The following TRIM3 variants were observed in gnomAD, a reference collection of about 807,000 sequenced individuals.
TRIM3 encodes tripartite motif-containing protein 3.
In TRIM3, 13 loss-of-function variants were observed where a neutral mutation model predicts 66.6. The observed-to-expected ratio is 0.20, with a 90% CI of 0.13 to 0.31. The LOEUF (loss-of-function observed/expected upper bound fraction) is 0.31, where lower values mean the gene tolerates loss of function less well. TRIM3 is among the 10% of genes least tolerant of loss of function. The probability of loss-of-function intolerance (pLI) is 1.00; values close to 1 mark genes in which losing one functional copy is unlikely to be tolerated. For synonymous variants in TRIM3, 406 were observed against 411.7 expected (o/e 0.99, Z 0.17); for missense variants, 711 against 1,020.4 (o/e 0.70, Z 4.13).
intron 2 of TRIM3, among the ~76,000 whole-genome samples, chr11:6,460,898 CTTTTTTTTTTTTTT>C (rs771919613): frequency 1.2e-3 from 86 of 74,284 alleles, no homozygotes; most frequent in African/African-American, 4.5e-3. Flanking sequence ...TTTTTGGTGG[CTTTTTTTTTTTTTT>C]TTTTTTTTTT....
chr11:6,450,520 C>T lies in TRIM3; in HGVS notation c.1941+31G>A. The T allele has an allele frequency of 6.3e-7, 1 of 1,591,094 alleles. No homozygotes were observed. Among genetic ancestry groups the T allele is most frequent in the Non-Finnish European group, 8.6e-7 (1 of 1,158,982 alleles). Reference sequence around the variant, plus strand: ...TGTGGAAGAGGAAAGGATGTTGGGACAGTGGTCACGGAGGGAGGGAAGACA... The same window carrying T: ...TGTGGAAGAGGAAAGGATGTTGGGATAGTGGTCACGGAGGGAGGGAAGACA... On this transcript the variant is annotated intron_variant, in intron 10 of 11. Transcript: ENST00000345851. The surrounding 1 kb of genome is among the most constrained non-coding windows in gnomAD (Gnocchi z 4.8).
rs1187279465 is a variant in TRIM3, at chr11:6,458,140, G to A, written c.288C>T (p.Ala96=). 2.0e-5 allele frequency: 33 copies of A among 1,614,024 alleles called. No individual in the cohort carries two copies. The highest frequency in any genetic ancestry group is 2.8e-5 in the Non-Finnish European group (33 of 1,180,034). The change falls in exon 3 of 12, where the codon GCC becomes GCT. Residue 96 remains alanine, a synonymous_variant. Coordinates refer to ENST00000345851, the MANE Select transcript of TRIM3 (RefSeq NM_033278.4). This position sits in a 1 kb window ranked among gnomAD's most constrained non-coding sequence, Gnocchi z 6.2. ...MEAMQQAPDG[A]HDPEDPHPLS... is the part of the protein sequence containing the mutation. ...GGGGGTGGGGGTCCTCCGGGTCGTG[G>A]GCCCCATCAGGTGCCTGCTGCATTG...
intron 2 of TRIM3, among the ~76,000 whole-genome samples, chr11:6,460,898 CTTTTTTTTT>C (rs771919613): frequency 6.7e-5 from 5 of 74,252 alleles, no homozygotes; most frequent in African/African-American, 1.6e-4. Flanking sequence ...TTTTTGGTGG[CTTTTTTTTT>C]TTTTTTTTTT....
chr11:6,463,716 C>T (rs1048784160), intron 2 of TRIM3, among the ~76,000 whole-genome samples: 5 of 151,976 alleles, frequency 3.3e-5, no homozygotes, highest in Non-Finnish European at 7.4e-5. Context: ...GGAACGTTGG[C>T]GTTTATGACT....
In TRIM3 at chr11:6,449,991, T is replaced by C. The variant is rs2634204; in HGVS notation, c.1942-545A>G. 0.017 allele frequency: 2,702 copies of C among 159,350 alleles called. 85 individuals are homozygous for C. The highest frequency in any genetic ancestry group is 0.062 in the African/African-American group (2,567 of 41,618). The allele number at this position is 159,350 out of a possible 1,614,324, so 9.9% of individuals were successfully genotyped here. A position where few individuals can be genotyped will look rare whatever the true frequency, so the allele number is the denominator to read the frequency against. Reference sequence around the variant, plus strand: ...GCAATCCTGTGACTCCCCATAGCTCTTGGGAGGAGAGCAAGCCCCTTAAGG... The same window carrying C: ...GCAATCCTGTGACTCCCCATAGCTCCTGGGAGGAGAGCAAGCCCCTTAAGG... On this transcript the variant is annotated intron_variant, in intron 10 of 11. Transcript: ENST00000345851. The surrounding 1 kb of genome is among the most constrained non-coding windows in gnomAD (Gnocchi z 5.3).
chr11:6,449,156 G>C lies in TRIM3; in HGVS notation c.2107C>G (p.Leu703Val). The change falls in exon 12 of 12, where the codon CTG becomes GTG. Residue 703 changes from leucine to valine, a missense_variant. Around this residue, in one of 3 missense-constraint regions of TRIM3, gnomAD observed 163 missense variants for 321.9 expected, o/e 0.51. Transcript: ENST00000345851. The surrounding 1 kb of genome is among the most constrained non-coding windows in gnomAD (Gnocchi z 5.3). ...IQVFDSSGSFLSYINTSAEPL... is the reference protein window; with the variant it reads ...IQVFDSSGSFVSYINTSAEPL... Reference sequence around the variant, plus strand: ...TCTGCAGATGTGTTGATATAGGACAGGAAGGAGCCAGAGCTGTCGAATACC... The same window carrying C: ...TCTGCAGATGTGTTGATATAGGACACGAAGGAGCCAGAGCTGTCGAATACC... 6.2e-7 allele frequency: 1 copy of C among 1,614,164 alleles called. No individual in the cohort carries two copies. The highest frequency in any genetic ancestry group is 8.5e-7 in the Non-Finnish European group (1 of 1,179,996).
intron 2 of TRIM3, among the ~76,000 whole-genome samples, chr11:6,462,096 T>C (rs1850268865): frequency 6.6e-6 from 1 of 152,230 alleles, no homozygotes; most frequent in African/African-American, 2.4e-5. Context: ...ATCTGTCTCC[T>C]TCTTATCCTC....
chr11:6,456,982 G>A lies in TRIM3; in HGVS notation c.744C>T (p.Ile248=), dbSNP rs139782267. 97 of 1,606,122 alleles carry A rather than the reference G, an allele frequency of 6.0e-5. No individual in the cohort carries two copies. The African/African-American group carries it at 9.6e-4, about 16-fold the overall frequency. Residue 248 remains isoleucine (I), a synonymous_variant, in exon 6 of 12, where the codon ATC becomes ATT. Coordinates refer to ENST00000345851, the MANE Select transcript of TRIM3 (RefSeq NM_033278.4). This position sits in a 1 kb window ranked among gnomAD's most constrained non-coding sequence, Gnocchi z 6.4. Reference sequence around the variant, plus strand: ...GCTCTGCAAAGCTGCAGCTACTGCCGATGTGTTCCTGACCCTGGCGCAGTG... The same window carrying A: ...GCTCTGCAAAGCTGCAGCTACTGCCAATGTGTTCCTGACCCTGGCGCAGTG... ...LDTLRQGQEH[I]GSSCSFAEQA... is the part of the protein sequence containing the mutation.
Position 6,450,151 on chromosome 11 carries a change from ACT to A in TRIM3, c.1941+398_1941+399del. ...TCTTCCTGTGTCTTTTGTCTCAAAC[ACT>A]CTCGTCCTCCTCTGCCTTCCATTTA... On this transcript the variant is annotated intron_variant, in intron 10 of 11. Coordinates refer to ENST00000345851, the MANE Select transcript of TRIM3 (RefSeq NM_033278.4). The surrounding 1 kb of genome is among the most constrained non-coding windows in gnomAD (Gnocchi z 4.8). 1 of 180,158 alleles carries A rather than the reference ACT, an allele frequency of 5.6e-6. No homozygotes were observed. Among genetic ancestry groups the A allele is most frequent in the African/African-American group, 2.4e-5 (1 of 42,246 alleles). 11.2% of individuals were successfully genotyped at this position (180,158 alleles called of 1,614,324 possible). A position where few individuals can be genotyped will look rare whatever the true frequency, so the allele number is the denominator to read the frequency against.
chr11:6,470,924 A>G (rs1850665301), intron 1 of TRIM3, among the ~76,000 whole-genome samples: 1 of 152,228 alleles, frequency 6.6e-6, no homozygotes, highest in African/African-American at 2.4e-5. Flanking sequence ...AACTTCATGA[A>G]CAAGGGAGTG....
rs1288639641 is a variant in TRIM3, at chr11:6,457,804, C to T, written c.407G>A (p.Gly136Asp). The change falls in exon 4 of 12, where the codon GGT becomes GAT. Residue 136 changes from glycine (G) to aspartate (D), a missense_variant. Gly to Asp is a moderately conservative substitution (Grantham distance 94, BLOSUM62 -1). This residue lies in a region of TRIM3 where 149 missense variants were observed against 240.3 expected (regional missense o/e 0.62). Coordinates refer to ENST00000345851, the MANE Select transcript of TRIM3 (RefSeq NM_033278.4). This position sits in a 1 kb window ranked among gnomAD's most constrained non-coding sequence, Gnocchi z 4.5. ...ACGATGCTCCCCGGCGCGGCACTCA[C>T]CACACATGGCCGTCTCACAGGCCTC... ...YCEACETAMCGECRAGEHREH... is the reference protein window; with the variant it reads ...YCEACETAMCDECRAGEHREH... 6.2e-7 allele frequency: 1 copy of T among 1,614,232 alleles called. No homozygotes were observed. The highest frequency in any genetic ancestry group is 8.5e-7 in the Non-Finnish European group (1 of 1,180,024).
At chr11:6,465,474 A>G (rs1167505682) in intron 2 of TRIM3, 91 bp downstream of exon 2, 7 of 1,516,024 alleles carry the variant, frequency 4.6e-6, no homozygotes, top group Non-Finnish European at 6.4e-6. Flanking sequence ...CTACAGGTTT[A>G]CACATGCTCC....
In TRIM3 at chr11:6,468,032, C is replaced by T. The variant is rs150851901; in HGVS notation, c.-37-2300G>A. Among the ~76,000 whole-genome samples the T allele has an allele frequency of 1.9e-3, 284 of 152,212 alleles. 1 individual carries two copies. The highest frequency in any genetic ancestry group is 6.5e-3 in the African/African-American group (268 of 41,530). ...AGCAAGGTGGCTCACATCTGTAATCCCAGCACTTCGAGAGGCTGAGGAAGG... is the reference window on the plus strand; with the variant it reads ...AGCAAGGTGGCTCACATCTGTAATCTCAGCACTTCGAGAGGCTGAGGAAGG... On this transcript the variant is annotated intron_variant, in intron 1 of 11. Coordinates refer to ENST00000345851, the MANE Select transcript of TRIM3 (RefSeq NM_033278.4).
rs575758090 is a variant in TRIM3 at position 6,457,975 on chromosome 11, C to T, written c.363+90G>A. 378 of 1,534,928 alleles carry T rather than the reference C, an allele frequency of 2.5e-4. 1 individual carries two copies. In the Middle Eastern group the frequency reaches 9.1e-3, roughly 37 times the overall value. Reference sequence around the variant, plus strand: ...CCTGGACCACTAATCCAGAGCAGTACCCTGTCACCCAGCCACTCGGCACCC... The same window carrying T: ...CCTGGACCACTAATCCAGAGCAGTATCCTGTCACCCAGCCACTCGGCACCC... On this transcript the variant is annotated intron_variant, in intron 3 of 11. Coordinates refer to ENST00000345851, the MANE Select transcript of TRIM3 (RefSeq NM_033278.4). The surrounding 1 kb of genome is among the most constrained non-coding windows in gnomAD (Gnocchi z 4.5).
intron 2 of TRIM3, among the ~76,000 whole-genome samples, chr11:6,463,457 G>A (rs1001214871): frequency 9.2e-5 from 14 of 152,176 alleles, no homozygotes; most frequent in African/African-American, 3.4e-4. Flanking sequence ...ACAGGAGAAA[G>A]TGCAGAGACA....
chr11:6,451,676 G>A, intron 7 of TRIM3: 9 of 534,002 alleles, frequency 1.7e-5, no homozygotes, highest in Non-Finnish European at 2.3e-5. Context: ...GGCTCCAAGA[G>A]AAGAAGATGT....
chr11:6,449,197 G>C lies in TRIM3; in HGVS notation c.2083-17C>G, dbSNP rs776668851. On this transcript the variant is annotated splice_polypyrimidine_tract_variant and intron_variant, in intron 11 of 11. Coordinates refer to ENST00000345851, the MANE Select transcript of TRIM3 (RefSeq NM_033278.4). This position sits in a 1 kb window ranked among gnomAD's most constrained non-coding sequence, Gnocchi z 5.3. ...GTCGAATACCTGGGGAAGGAGTGCA[G>C]AAAGGAGGGAGAGGCAAGATCAGGC... The C allele has an allele frequency of 6.2e-7, 1 of 1,613,154 alleles. No individual in the cohort carries two copies. The highest frequency in any genetic ancestry group is 2.2e-5 in the East Asian group (1 of 44,832).
At position 6,448,666 on chromosome 11, in the gene TRIM3, A is replaced by G. The variant is rs1190765037; in HGVS notation, c.*362T>C. The stretch of plus-strand genomic sequence containing the variant: ...GGGGTGGGGTATTGCTGTCTCTGTC[A>G]GTGTGTATAGGGTGGTAGGGAGACA... On this transcript the variant is annotated 3_prime_UTR_variant, in exon 12 of 12. Transcript: ENST00000345851. 1 of 509,648 alleles carries G rather than the reference A, an allele frequency of 2.0e-6. No individual in the cohort carries two copies. Among genetic ancestry groups the G allele is most frequent in the South Asian group, 3.1e-5 (1 of 31,994 alleles). 31.6% of individuals were successfully genotyped at this position (509,648 alleles called of 1,614,324 possible). A position where few individuals can be genotyped will look rare whatever the true frequency, so the allele number is the denominator to read the frequency against.
intron 1 of TRIM3, among the ~76,000 whole-genome samples, chr11:6,469,090 G>C (rs970214315): frequency 1.3e-5 from 2 of 152,222 alleles, no homozygotes; most frequent in African/African-American, 4.8e-5. Context: ...AACATAGCAG[G>C]AGGGAGGACA....
Sources: allele counts gnomAD v4.1 joint callset (sites outside exome capture counted in the v4.1 genomes callset), GRCh38; gene constraint gnomAD v4.1.1; regional missense constraint gnomAD v4.1.1; non-coding constraint Gnocchi (gnomAD v3.1); transcripts MANE v1.5; gene names NCBI Gene and HGNC (gene_info 2026-07-23, HGNC 2026-07-21).